GRID2: variants seen among roughly 807,000 people sequenced by gnomAD.
GRID2 encodes the protein glutamate ionotropic receptor delta type subunit 2, also known as glutamate receptor ionotropic, delta-2.
Under a neutral mutation model 114.8 loss-of-function variants are expected in GRID2, and 33 were observed. The ratio of observed to expected loss-of-function variants is 0.29; its 90% confidence interval spans 0.22 to 0.38. The LOEUF (loss-of-function observed/expected upper bound fraction) is 0.38, where lower values mean the gene tolerates loss of function less well. Among genes scored for constraint, GRID2 ranks in the 10% least tolerant of loss-of-function variants. The pLI is 1.00. For synonymous variants in GRID2, 505 were observed against 449.9 expected (o/e 1.12, Z -1.55); for missense variants, 1,184 against 1,257.7 (o/e 0.94, Z 0.89).
chr4:93,730,007 A>G (rs1387901738), intron 14 of GRID2, among the ~76,000 whole-genome samples: 3 of 152,144 alleles, frequency 2.0e-5, no homozygotes, highest in Non-Finnish European at 2.9e-5. Flanking sequence ...GCAATACTCA[A>G]TAAATATATT....
intron 1 of GRID2, among the ~76,000 whole-genome samples, chr4:92,481,156 C>T (rs1399101335): frequency 6.6e-6 from 1 of 152,054 alleles, no homozygotes; most frequent in East Asian, 1.9e-4. Flanking sequence ...GACAAGTACA[C>T]AAAATTGGAA....
intron 2 of GRID2, among the ~76,000 whole-genome samples, chr4:92,897,905 A>C (rs1747286450): frequency 6.6e-6 from 1 of 152,202 alleles, no homozygotes; most frequent in African/African-American, 2.4e-5. Flanking sequence ...AGCATAAGCT[A>C]AGATGATTTA....
At chr4:92,731,437 G>A (rs1228193663) in intron 2 of GRID2, among the ~76,000 whole-genome samples, 1 of 151,696 alleles carries the variant, frequency 6.6e-6, no homozygotes, top group Non-Finnish European at 1.5e-5. Context: ...CTGAACCTTG[G>A]CAATCTAAGA....
intron 2 of GRID2, among the ~76,000 whole-genome samples, chr4:92,766,220 C>G (rs1285232543): frequency 6.6e-6 from 1 of 152,020 alleles, no homozygotes; most frequent in Non-Finnish European, 1.5e-5. Flanking sequence ...TTTTGAAGAC[C>G]TGGTAGTCAG....
In GRID2 at chr4:92,356,510, A is replaced by G. The variant is rs1040751851; in HGVS notation, c.88+51766A>G. 2.6e-5 allele frequency among the ~76,000 whole-genome samples: 4 copies of G among 151,606 alleles called. No individual in the cohort carries two copies. In the East Asian group the frequency reaches 5.8e-4, roughly 22 times the overall value. ...TCTCAGCCATAAAAAATTTATATGC[A>G]TATTACATATATGCTACATATATGT... On this transcript the variant is annotated intron_variant, in intron 1 of 15. Transcript: ENST00000282020.
At chr4:93,570,774 A>G (rs555324994) in intron 13 of GRID2, among the ~76,000 whole-genome samples, 7 of 152,336 alleles carry the variant, frequency 4.6e-5, no homozygotes, top group African/African-American at 1.7e-4. Flanking sequence ...GACTAAGGTT[A>G]CTATGTTACA....
At position 92,409,246 on chromosome 4, in the gene GRID2, T is replaced by C. The variant is rs548450399; in HGVS notation, c.88+104502T>C. Among the ~76,000 whole-genome samples, 4 of 152,246 alleles carry C rather than the reference T, an allele frequency of 2.6e-5. No individual in the cohort carries two copies. In the South Asian group the frequency reaches 8.3e-4, roughly 32 times the overall value. ...TGTAATACCAAAAATAAGAAGTGTGTCATAACAACAGAGGCATGAAGAGAC... is the reference window on the plus strand; with the variant it reads ...TGTAATACCAAAAATAAGAAGTGTGCCATAACAACAGAGGCATGAAGAGAC... On this transcript the variant is annotated intron_variant, in intron 1 of 15. Transcript: ENST00000282020.
intron 13 of GRID2, among the ~76,000 whole-genome samples, chr4:93,602,913 T>G (rs893324129): frequency 6.6e-6 from 1 of 152,190 alleles, no homozygotes. Flanking sequence ...GCATGAATGA[T>G]AAGACAGGGA....
At chr4:92,630,077 C>T (rs1039581464) in intron 2 of GRID2, among the ~76,000 whole-genome samples, 8 of 151,894 alleles carry the variant, frequency 5.3e-5, no homozygotes, top group African/African-American at 1.9e-4. Context: ...ATTTTGGAAA[C>T]ATTTCTGCAC....
chr4:92,441,273 G>C (rs1733057744), intron 1 of GRID2, among the ~76,000 whole-genome samples: 1 of 152,100 alleles, frequency 6.6e-6, no homozygotes, highest in South Asian at 2.1e-4. Flanking sequence ...TGCCGAGATA[G>C]GTAACAGATG....
intron 1 of GRID2, among the ~76,000 whole-genome samples, chr4:92,367,456 T>A (rs1395334702): frequency 6.6e-6 from 1 of 151,608 alleles, no homozygotes; most frequent in Non-Finnish European, 1.5e-5. Flanking sequence ...GTTTTAAGAA[T>A]CAGAAGGAGC....
chr4:93,165,434 G>A (rs1317729225), intron 4 of GRID2, among the ~76,000 whole-genome samples: 2 of 152,026 alleles, frequency 1.3e-5, no homozygotes, highest in East Asian at 1.9e-4. Flanking sequence ...CAGGAAAGAG[G>A]AGATATGAGA....
intron 13 of GRID2, among the ~76,000 whole-genome samples, chr4:93,532,563 A>T (rs1731554305): frequency 3.3e-5 from 5 of 152,182 alleles, no homozygotes. Context: ...TGTGAATTAC[A>T]GTCAAGTGAA....
chr4:93,399,030 C>G (rs1192824061), intron 9 of GRID2, among the ~76,000 whole-genome samples: 2 of 151,944 alleles, frequency 1.3e-5, no homozygotes. Flanking sequence ...TCACCCCACC[C>G]AGCAACTCCC....
At chr4:92,876,912 T>C (rs1335885853) in intron 2 of GRID2, among the ~76,000 whole-genome samples, 1 of 152,206 alleles carries the variant, frequency 6.6e-6, no homozygotes, top group East Asian at 1.9e-4. Flanking sequence ...ATGGTTGAAT[T>C]GAATTAATCC....
chr4:92,946,972 T>C (rs1160470737), intron 2 of GRID2, among the ~76,000 whole-genome samples: 1 of 152,038 alleles, frequency 6.6e-6, no homozygotes, highest in Non-Finnish European at 1.5e-5. Context: ...ATGTCCTTAC[T>C]CTGAAAGATG....
chr4:93,185,949 A>C (rs1037782216), intron 4 of GRID2, among the ~76,000 whole-genome samples: 11 of 151,552 alleles, frequency 7.3e-5, no homozygotes, highest in Non-Finnish European at 1.5e-4. Flanking sequence ...CCCTGTGTCC[A>C]AGTGTTCTCA....
chr4:93,521,528 G>A (rs1017998489), intron 13 of GRID2, among the ~76,000 whole-genome samples: 1 of 152,084 alleles, frequency 6.6e-6, no homozygotes. Flanking sequence ...TCATGATAAA[G>A]GGTGATGAAT....
At chr4:93,388,519 A>G (rs1372554340) in intron 8 of GRID2, among the ~76,000 whole-genome samples, 1 of 152,190 alleles carries the variant, frequency 6.6e-6, no homozygotes, top group Non-Finnish European at 1.5e-5. Flanking sequence ...AAGAAACCGT[A>G]GGAAGACTCA....
Sources: gnomAD v4.1 joint callset for allele counts (sites outside exome capture counted in the v4.1 genomes callset) on GRCh38, gnomAD v4.1.1 for gene constraint, MANE v1.5 for transcripts, NCBI Gene and HGNC (gene_info 2026-07-23, HGNC 2026-07-21) for gene names.